ALS2CL: variants seen among roughly 807,000 people sequenced by gnomAD.
ALS2CL encodes the protein ALS2 C-terminal like, also known as ALS2 C-terminal-like protein.
A neutral mutation model predicts 127.9 loss-of-function variants in ALS2CL; 112 were observed. The ratio of observed to expected loss-of-function variants is 0.88; its 90% confidence interval spans 0.75 to 1.02. The LOEUF (loss-of-function observed/expected upper bound fraction) is 1.02, where lower values mean the gene tolerates loss of function less well. Ranked by LOEUF, ALS2CL falls within the 50% of genes least tolerant of loss-of-function variation. The pLI, the probability that ALS2CL is intolerant of heterozygous loss-of-function variation, is 0.00. For synonymous variants in ALS2CL, 519 were observed against 527.6 expected (o/e 0.98, Z 0.22); for missense variants, 1,174 against 1,236.7 (o/e 0.95, Z 0.76).
chr3:46,671,625 G>A (rs1284291365), intron 24 of ALS2CL, 41 bp from the exon 25 acceptor site: 6 of 1,613,174 alleles, frequency 3.7e-6, no homozygotes, highest in African/African-American at 1.3e-5. Flanking sequence ...GGGAGACAAG[G>A]AGAAGAGGCC....
rs1700010509 is a variant in ALS2CL at position 46,689,334 on chromosome 3, TCACC to T, written c.103_103+3del. 7 of 1,612,542 alleles carry T rather than the reference TCACC, an allele frequency of 4.3e-6. No homozygotes were observed. Among genetic ancestry groups the T allele is most frequent in the Non-Finnish European group, 4.2e-6 (5 of 1,179,798 alleles). On this transcript the variant is annotated splice_donor_variant and splice_donor_region_variant and coding_sequence_variant and intron_variant, in exon 2 of 26. Coordinates refer to ENST00000318962, the MANE Select transcript of ALS2CL (RefSeq NM_147129.5). LOFTEE classifies it high-confidence loss of function. Reference sequence around the variant, plus strand: ...TCCCTCCCCACTAGAAAGCCTAGACTCACCGGCTGGGAGCAGGGGCTGGAGGACA... The same window carrying T: ...TCCCTCCCCACTAGAAAGCCTAGACTGGCTGGGAGCAGGGGCTGGAGGACA...
intron 10 of ALS2CL, 86 bp from the exon 11 acceptor site, chr3:46,682,180 C>T: frequency 8.4e-6 from 12 of 1,421,894 alleles, no homozygotes; most frequent in Non-Finnish European, 1.2e-5. Flanking sequence ...GCCCTCCCTT[C>T]CTCTTCCCTT....
intron 16 of ALS2CL, 108 bp from the exon 17 acceptor site, chr3:46,677,130 A>G (rs1698916912): frequency 1.3e-6 from 2 of 1,485,642 alleles, no homozygotes; most frequent in African/African-American, 1.4e-5. Flanking sequence ...CTGGCCCAGG[A>G]TCAAGCCCCA....
chr3:46,683,309 C>T lies in ALS2CL; in HGVS notation c.930G>A (p.Lys310=). 1 of 1,589,962 alleles carries T rather than the reference C, an allele frequency of 6.3e-7. No individual in the cohort carries two copies. Residue 310 remains lysine (K), a synonymous_variant, in exon 10 of 26, where the codon AAG becomes AAA. Transcript: ENST00000318962. ...GGGCCTGGTGAACAGCCCAGGTCAC[C>T]TTCCACTGCCAGACTGCCTGGTGGG... ...DSQGQAVWQW[K]VTWAVHQALH...
rs761416795 is a variant in ALS2CL at position 46,673,354 on chromosome 3, C to T, written c.2457G>A (p.Thr819=). The T allele has an allele frequency of 1.5e-5, 23 of 1,565,864 alleles. No homozygotes were observed. Among genetic ancestry groups the T allele is most frequent in the Admixed American group, 1.1e-4 (6 of 53,482 alleles). The change falls in exon 22 of 26, where the codon ACG becomes ACA. Residue 819 remains threonine, a synonymous_variant. Transcript: ENST00000318962. ...QKHLWPLKDL[T]LTSNQRYSLV... Reference sequence around the variant, plus strand: ...TCCCTCTCACCTGATTGCTCGTCAGCGTGAGGTCCTTGAGGGGCCACAAGT... The same window carrying T: ...TCCCTCTCACCTGATTGCTCGTCAGTGTGAGGTCCTTGAGGGGCCACAAGT...
chr3:46,687,796 C>T (rs1451186540), intron 3 of ALS2CL, 112 bp from the exon 4 acceptor site: 24 of 1,162,972 alleles, frequency 2.1e-5, no homozygotes, highest in Non-Finnish European at 2.8e-5. Flanking sequence ...GCCCTGAGGG[C>T]CCACACAGTG....
chr3:46,677,289 T>C, intron 16 of ALS2CL: 1 of 1,301,430 alleles, frequency 7.7e-7, no homozygotes, highest in Non-Finnish European at 9.8e-7. Context: ...GACAGAAAGG[T>C]GGGCAGATCT....
chr3:46,689,128 C>T (rs535971681), intron 2 of ALS2CL, among the ~76,000 whole-genome samples: 1 of 152,338 alleles, frequency 6.6e-6, no homozygotes, highest in East Asian at 1.9e-4. Context: ...ACTCAGAAGG[C>T]TGAGGCACAA....
chr3:46,683,631 C>T lies in ALS2CL; in HGVS notation c.912+151G>A, dbSNP rs1575437342. The T allele has an allele frequency of 7.9e-6, 8 of 1,016,394 alleles. No individual in the cohort carries two copies. In the East Asian group the frequency reaches 1.2e-4, roughly 15 times the overall value. The allele number at this position is 1,016,394 out of a possible 1,614,324, so 63.0% of individuals were successfully genotyped here. ...CCCTGTTCTTTTTGACATTCTAATT[C>T]TTGACCCCGATTTACTCTGACCAGG... On this transcript the variant is annotated intron_variant, in intron 9 of 25. Transcript: ENST00000318962.
intron 9 of ALS2CL, 92 bp from the exon 10 acceptor site, chr3:46,683,418 C>A: frequency 8.3e-7 from 1 of 1,211,922 alleles, no homozygotes. Flanking sequence ...GTACCACCCC[C>A]TCCACCCTCC....
In ALS2CL at chr3:46,680,165, A is replaced by G. The variant is rs550486182; in HGVS notation, c.1548+265T>C. On this transcript the variant is annotated intron_variant, in intron 14 of 25. Transcript: ENST00000318962. ...ATGCATCATCATGAGCAAGTGCTCC[A>G]TTCTTGTTAGTTCATTGAGTCTATG... is the stretch of plus-strand genomic sequence containing the variant. 1.5e-5 allele frequency: 7 copies of G among 476,528 alleles called. No individual in the cohort carries two copies. In the East Asian group the frequency reaches 1.7e-4, roughly 11 times the overall value. The allele number at this position is 476,528 out of a possible 1,614,324, so 29.5% of individuals were successfully genotyped here. A position where few individuals can be genotyped will look rare whatever the true frequency, so the allele number is the denominator to read the frequency against.
In ALS2CL at chr3:46,681,274, C is replaced by G. The variant is rs568059343; in HGVS notation, c.1408G>C (p.Gly470Arg). Residue 470 changes from glycine to arginine, a missense_variant, in exon 13 of 26, where the codon GGC becomes CGC. Coordinates refer to ENST00000318962, the MANE Select transcript of ALS2CL (RefSeq NM_147129.5). The surrounding 1 kb of genome is among the most constrained non-coding windows in gnomAD (Gnocchi z 4.9). ...TCACCATCCTCCTCAATGCCATAGCCGCTCCTCTGGCCCCTCTCCCAGTGG... is the reference window on the plus strand; with the variant it reads ...TCACCATCCTCCTCAATGCCATAGCGGCTCCTCTGGCCCCTCTCCCAGTGG... ...TGHWERGQRS[G>R]YGIEEDGDRG... 8 of 1,613,960 alleles carry G rather than the reference C, an allele frequency of 5.0e-6. 1 individual carries two copies. The Admixed American group carries it at 1.3e-4, about 27-fold the overall frequency.
chr3:46,677,087 T>C (rs1698911361), intron 16 of ALS2CL, 65 bp from the exon 17 acceptor site: 2 of 1,526,888 alleles, frequency 1.3e-6, no homozygotes, highest in South Asian at 2.6e-5. Flanking sequence ...GGCAGGACTC[T>C]GCCCAGGCCC....
chr3:46,672,136 TCA>T lies in ALS2CL; in HGVS notation c.2534+2_2534+3del, dbSNP rs1244208724. On this transcript the variant is annotated splice_donor_variant and splice_donor_region_variant and intron_variant, in intron 23 of 25. Transcript: ENST00000318962. LOFTEE classifies it high-confidence loss of function. The stretch of plus-strand genomic sequence containing the variant: ...ACCCCCAACCCACTACGGCTCACAC[TCA>T]CATGATCTTCTGCAGGCACTCGGTG... 1 of 1,613,962 alleles carries T rather than the reference TCA, an allele frequency of 6.2e-7. No homozygotes were observed. The highest frequency in any genetic ancestry group is 1.7e-5 in the Admixed American group (1 of 60,012).
Position 46,683,141 on chromosome 3 carries a change from C to A in ALS2CL, c.1098G>T (p.Arg366=). The A allele has an allele frequency of 1.9e-6, 3 of 1,574,574 alleles. No homozygotes were observed. The highest frequency in any genetic ancestry group is 2.6e-6 in the Non-Finnish European group (3 of 1,160,904). The part of the protein sequence containing the change: ...ATYEGEWCRG[R]PHGKGTLKWP... ...CTCCAGCCACTCACTTGCCGTGGGG[C>A]CGGCCCCTGCACCACTCGCCCTCGT... The change falls in exon 10 of 26, where the codon CGG becomes CGT. Residue 366 remains arginine (R), a synonymous_variant. Transcript: ENST00000318962.
At chr3:46,680,993 T>C in intron 13 of ALS2CL, 1 of 610,234 alleles carries the variant, frequency 1.6e-6, no homozygotes, top group Non-Finnish European at 2.9e-6. Flanking sequence ...TTTTTAGACG[T>C]GACAGAGCAG....
chr3:46,690,628 G>A (rs1380360444), intron 1 of ALS2CL, among the ~76,000 whole-genome samples: 1 of 152,240 alleles, frequency 6.6e-6, no homozygotes, highest in African/African-American at 2.4e-5. Context: ...GACCTGATCA[G>A]GTATCTGGGG....
chr3:46,689,238 T>C lies in ALS2CL; in HGVS notation c.103+100A>G, dbSNP rs1700001601. The C allele has an allele frequency of 3.2e-6, 4 of 1,251,290 alleles. No individual in the cohort carries two copies. In the East Asian group the frequency reaches 7.6e-5, roughly 24 times the overall value. The allele number at this position is 1,251,290 out of a possible 1,614,324, so 77.5% of individuals were successfully genotyped here. A position where few individuals can be genotyped will look rare whatever the true frequency, so the allele number is the denominator to read the frequency against. ...CAGGTGTCACCACTCCTATTTGAGG[T>C]TGAGAAAGCTGTGGCTCAGCAAGTC... is the stretch of plus-strand genomic sequence containing the variant. On this transcript the variant is annotated intron_variant, in intron 2 of 25. Coordinates refer to ENST00000318962, the MANE Select transcript of ALS2CL (RefSeq NM_147129.5).
Position 46,674,663 on chromosome 3 carries a change from G to A in ALS2CL, c.2332C>T (p.Leu778=), listed in dbSNP as rs781694184. 19 of 1,614,074 alleles carry A rather than the reference G, an allele frequency of 1.2e-5. No homozygotes were observed. The African/African-American group carries it at 2.0e-4, about 17-fold the overall frequency. The change falls in exon 21 of 26, where the codon CTG becomes TTG. Residue 778 remains leucine, a synonymous_variant. Transcript: ENST00000318962. ...FYSELFTLYL[L]LHEREDSFYS... Reference sequence around the variant, plus strand: ...AAGCTGTCCTCCCGCTCATGAAGCAGCAGGTAGAGCGTGAAGAGCTCTGAG... The same window carrying A: ...AAGCTGTCCTCCCGCTCATGAAGCAACAGGTAGAGCGTGAAGAGCTCTGAG...
Sources: allele counts gnomAD v4.1 joint callset (sites outside exome capture counted in the v4.1 genomes callset), GRCh38; gene constraint gnomAD v4.1.1; non-coding constraint Gnocchi (gnomAD v3.1); transcripts MANE v1.5; gene names NCBI Gene and HGNC (gene_info 2026-07-23, HGNC 2026-07-21).